Variants in GABRA1 observed in about 807,000 individuals in gnomAD.
GABRA1 encodes gamma-aminobutyric acid type A receptor subunit alpha1, also known as gamma-aminobutyric acid receptor subunit alpha-1.
GABRA1 carries 9 observed loss-of-function variants against 48.9 expected under a neutral mutation model. The observed-to-expected ratio is 0.18, with a 90% CI of 0.11 to 0.32. The LOEUF (loss-of-function observed/expected upper bound fraction) is 0.32. GABRA1 is among the 10% of genes least tolerant of loss of function. The pLI, the probability that GABRA1 is intolerant of heterozygous loss-of-function variation, is 1.00. For missense variants in GABRA1, 285 were observed against 553.8 expected, an observed-to-expected ratio of 0.51 and a Z score of 4.87; for synonymous variants, 210 against 198.7, an observed-to-expected ratio of 1.06 and a Z score of -0.48.
At chr5:161,865,470 A>G (rs1758013589) in intron 3 of GABRA1, among the ~76,000 whole-genome samples, 1 of 152,146 alleles carries the variant, frequency 6.6e-6, no homozygotes, top group Non-Finnish European at 1.5e-5. Context: ...TGAAGAATTC[A>G]TTAGGCAGCA....
chr5:161,887,938 C>A (rs890322010), intron 7 of GABRA1, among the ~76,000 whole-genome samples: 5 of 152,100 alleles, frequency 3.3e-5, no homozygotes, highest in African/African-American at 1.2e-4. Context: ...TGAACCTATG[C>A]AAGGTATTTA....
chr5:161,870,653 A>G (rs550244146), intron 4 of GABRA1, among the ~76,000 whole-genome samples: 49 of 152,016 alleles, frequency 3.2e-4, no homozygotes, highest in Admixed American at 3.0e-3. Flanking sequence ...AAGAAAGAAA[A>G]AGAAAGAAAA....
At chr5:161,851,283 T>C (rs192400938) in intron 2 of GABRA1, among the ~76,000 whole-genome samples, 233 of 152,274 alleles carry the variant, frequency 1.5e-3, no homozygotes, top group Non-Finnish European at 2.6e-3. Context: ...GTAACTTTTG[T>C]GTTTATAGAA....
intron 2 of GABRA1, among the ~76,000 whole-genome samples, chr5:161,852,542 GT>G (rs1385646081): frequency 1.3e-5 from 2 of 151,916 alleles, no homozygotes; most frequent in Non-Finnish European, 2.9e-5. Context: ...GTGACAATGA[GT>G]TTTTATAAAT....
At chr5:161,873,364 G>C (rs1035663832) in intron 5 of GABRA1, 27 bp downstream of exon 5, 21 of 1,538,612 alleles carry the variant, frequency 1.4e-5, no homozygotes, top group Non-Finnish European at 1.7e-5. Context: ...TGCCATTCAT[G>C]AATGTTTCTG....
intron 8 of GABRA1, 51 bp downstream of exon 8, chr5:161,891,101 A>T: frequency 5.9e-6 from 9 of 1,528,790 alleles, no homozygotes; most frequent in Non-Finnish European, 8.2e-6. Context: ...AAGACAAGTT[A>T]TGTCATATCT....
intron 1 of GABRA1, chr5:161,848,683 T>TC (rs1757315301): frequency 3.9e-6 from 1 of 254,382 alleles, no homozygotes; most frequent in Admixed American, 5.2e-5. Context: ...ATTATTTTTT[T>TC]CCCGCTGTCT....
Position 161,872,908 on chromosome 5 carries a change from T to C in GABRA1, c.256-209T>C, listed in dbSNP as rs1754184100. 9 of 557,810 alleles carry C rather than the reference T, an allele frequency of 1.6e-5. No homozygotes were observed. The South Asian group carries it at 1.7e-4, about 10-fold the overall frequency. 34.6% of individuals were successfully genotyped at this position (557,810 alleles called of 1,614,324 possible). On this transcript the variant is annotated intron_variant, in intron 4 of 9. Coordinates refer to ENST00000393943, the MANE Select transcript of GABRA1 (RefSeq NM_001127644.2). ...TTCTGACCAAAAAATATGTCAGGCA[T>C]TTTAGATATTTTTTTTAAAAAATCA...
upstream of GABRA1, chr5:161,847,376 A>C (rs1242225533): frequency 1.3e-5 from 2 of 152,194 alleles, no homozygotes; most frequent in African/African-American, 2.4e-5. Context: ...TTATTAGTTA[A>C]ATATTCTTCG....
At chr5:161,867,677 A>G (rs535600867) in intron 4 of GABRA1, among the ~76,000 whole-genome samples, 10 of 152,272 alleles carry the variant, frequency 6.6e-5, no homozygotes, top group African/African-American at 2.4e-4. Flanking sequence ...TTATCATGCC[A>G]TGCAGACCTC....
At chr5:161,848,770 CTTTTA>C in intron 1 of GABRA1, 1 of 292,670 alleles carries the variant, frequency 3.4e-6, no homozygotes, top group Non-Finnish European at 6.7e-6. Context: ...TTGTTTTGGT[CTTTTA>C]TTTATTTATT....
At chr5:161,854,369 G>A (rs1757564104) in intron 3 of GABRA1, 99 bp downstream of exon 3, 6 of 750,660 alleles carry the variant, frequency 8.0e-6, no homozygotes, top group Admixed American at 7.6e-5. Context: ...TAAAAATGGT[G>A]ACATGTAATT....
At chr5:161,894,725 G>A (rs1360259183) in intron 8 of GABRA1, among the ~76,000 whole-genome samples, 7 of 152,226 alleles carry the variant, frequency 4.6e-5, no homozygotes, top group South Asian at 2.1e-4. Context: ...TGAGTATAGT[G>A]CATTACAAAT....
At chr5:161,890,689 C>A (rs948366448) in intron 7 of GABRA1, among the ~76,000 whole-genome samples, 1 of 152,074 alleles carries the variant, frequency 6.6e-6, no homozygotes. Flanking sequence ...AAGACTCTGG[C>A]ACCTCAGTCT....
In GABRA1 at chr5:161,899,460, T is replaced by A. The variant is rs1319653754; in HGVS notation, c.*2038T>A. 6.6e-6 allele frequency: 1 copy of A among 152,182 alleles called. No individual in the cohort carries two copies. The highest frequency in any genetic ancestry group is 1.9e-4 in the East Asian group (1 of 5,196). 9.4% of individuals were successfully genotyped at this position (152,182 alleles called of 1,614,324 possible). ...TTTTTCGGCGTTATACTAATGTGTT[T>A]ATTGAGAGCATTTTACCTTCCAGAC... On this transcript the variant is annotated 3_prime_UTR_variant, in exon 10 of 10. Coordinates refer to ENST00000393943, the MANE Select transcript of GABRA1 (RefSeq NM_001127644.2).
chr5:161,886,601 C>A (rs1754857703), intron 7 of GABRA1, among the ~76,000 whole-genome samples: 2 of 151,810 alleles, frequency 1.3e-5, no homozygotes, highest in South Asian at 2.1e-4. Flanking sequence ...TGTGGAGAAA[C>A]CCCATCTCTA....
chr5:161,863,158 T>A (rs1341108103), intron 3 of GABRA1, among the ~76,000 whole-genome samples: 1 of 150,224 alleles, frequency 6.7e-6, no homozygotes, highest in Non-Finnish European at 1.5e-5. Context: ...AGTATTTGTG[T>A]ATATATATAT....
chr5:161,884,245 G>T (rs1390634108), intron 7 of GABRA1, among the ~76,000 whole-genome samples: 1 of 152,110 alleles, frequency 6.6e-6, no homozygotes, highest in Non-Finnish European at 1.5e-5. Context: ...AGATATGAAA[G>T]TAAGCTGTGT....
intron 8 of GABRA1, among the ~76,000 whole-genome samples, chr5:161,893,503 A>G (rs1227463020): frequency 2.0e-5 from 3 of 150,738 alleles, no homozygotes; most frequent in Non-Finnish European, 4.4e-5. Flanking sequence ...ATTCAAAAAG[A>G]AAAAAACAAA....
Sources: allele counts gnomAD v4.1 joint callset (sites outside exome capture counted in the v4.1 genomes callset), GRCh38; gene constraint gnomAD v4.1.1; transcripts MANE v1.5; gene names NCBI Gene and HGNC (gene_info 2026-07-23, HGNC 2026-07-21).